Variants in SLC6A16 observed in about 807,000 individuals in gnomAD.
SLC6A16 encodes the protein solute carrier family 6 member 16.
Under a neutral mutation model 65.4 loss-of-function variants are expected in SLC6A16, and 54 were observed. That is an observed-to-expected ratio of 0.83 (90% CI 0.66 to 1.04). SLC6A16 has a LOEUF of 1.04. Ranked by LOEUF, SLC6A16 falls within the 50% of genes least tolerant of loss-of-function variation. SLC6A16 has a pLI of 0.00. For missense variants in SLC6A16, 816 were observed against 914.0 expected (o/e 0.89, Z 1.38); for synonymous variants, 330 against 346.5 (o/e 0.95, Z 0.53).
At chr19:49,291,354 T>C (rs1009781785) in intron 10 of SLC6A16, among the ~76,000 whole-genome samples, 9 of 151,648 alleles carry the variant, frequency 5.9e-5, no homozygotes, top group Non-Finnish European at 5.9e-5. Flanking sequence ...CCCCGGAGTT[T>C]CCCTGGCTAC....
the SLC6A16 span, chr19:49,332,333 G>T: frequency 2.2e-6 from 1 of 453,796 alleles, no homozygotes; most frequent in South Asian, 1.6e-5. Flanking sequence ...GAAGTGGGTG[G>T]ATCACGAGGT....
the SLC6A16 span, chr19:49,339,587 G>C: frequency 6.9e-7 from 1 of 1,451,416 alleles, no homozygotes; most frequent in Non-Finnish European, 9.0e-7. The surrounding 1 kb of genome is among the most constrained non-coding windows in gnomAD (Gnocchi z 4.5). Context: ...CAGCTTCAGG[G>C]AGCCCTGATT....
chr19:49,324,722 C>G (rs1167134727), intron 1 of SLC6A16, among the ~76,000 whole-genome samples: 1 of 152,226 alleles, frequency 6.6e-6, no homozygotes, highest in East Asian at 1.9e-4. Context: ...GGGCTAGACC[C>G]GGGTTTCTGC....
the SLC6A16 span, chr19:49,335,874 C>A: frequency 9.1e-7 from 1 of 1,096,304 alleles, no homozygotes; most frequent in South Asian, 1.2e-5. The surrounding 1 kb of genome is among the most constrained non-coding windows in gnomAD (Gnocchi z 4.6). Flanking sequence ...CCTACGGTGC[C>A]CTACTCTGCA....
chr19:49,314,053 G>A (rs1970574232), intron 1 of SLC6A16, among the ~76,000 whole-genome samples: 1 of 150,870 alleles, frequency 6.6e-6, no homozygotes, highest in Admixed American at 6.6e-5. Context: ...CTGAGATCAC[G>A]CCACTACACT....
At chr19:49,336,987 T>C in the SLC6A16 span, 3 of 1,613,850 alleles carry the variant, frequency 1.9e-6, no homozygotes, top group African/African-American at 1.3e-5. Context: ...ATCGCCCTCC[T>C]GGGTTGTGTG....
In SLC6A16 at chr19:49,309,159, A is replaced by C. The variant is rs983709788; in HGVS notation, c.988-42T>G. On this transcript the variant is annotated intron_variant, in intron 6 of 11. Transcript: ENST00000335875. Reference sequence around the variant, plus strand: ...AAGCATAAGGGGGTTGTAAAAGAAGAAGCAGAGGACAACTATAATAGAAAT... The same window carrying C: ...AAGCATAAGGGGGTTGTAAAAGAAGCAGCAGAGGACAACTATAATAGAAAT... 21 of 1,608,368 alleles carry C rather than the reference A, an allele frequency of 1.3e-5. 1 individual carries two copies. In the African/African-American group the frequency reaches 2.8e-4, roughly 22 times the overall value.
the SLC6A16 span, chr19:49,335,686 C>T: frequency 2.5e-6 from 4 of 1,612,608 alleles, no homozygotes; most frequent in African/African-American, 1.3e-5. This position sits in a 1 kb window ranked among gnomAD's most constrained non-coding sequence, Gnocchi z 4.6. Flanking sequence ...CTGTGGCCCA[C>T]CCCCGTATCC....
intron 7 of SLC6A16, among the ~76,000 whole-genome samples, chr19:49,302,583 T>C (rs1970310621): frequency 6.6e-6 from 1 of 152,192 alleles, no homozygotes; most frequent in South Asian, 2.1e-4. Context: ...TCATGAAGAA[T>C]TGGAGAATCA....
chr19:49,295,583 ATCT>A (rs1970170370), intron 7 of SLC6A16, among the ~76,000 whole-genome samples: 1 of 152,212 alleles, frequency 6.6e-6, no homozygotes, highest in African/African-American at 2.4e-5. Context: ...ATATTTTTAA[ATCT>A]TCTAACAAAA....
chr19:49,301,977 G>A (rs1970299600), intron 7 of SLC6A16, among the ~76,000 whole-genome samples: 2 of 152,146 alleles, frequency 1.3e-5, no homozygotes, highest in Non-Finnish European at 2.9e-5. Context: ...TAGGCCCCGC[G>A]GCTGCATGTG....
intron 1 of SLC6A16, among the ~76,000 whole-genome samples, chr19:49,321,007 C>G (rs1048201214): frequency 2.6e-5 from 4 of 152,114 alleles, no homozygotes; most frequent in Admixed American, 6.6e-5. Flanking sequence ...CCTCATTCAT[C>G]CTATAAGGCC....
chr19:49,294,250 G>A lies in SLC6A16; in HGVS notation c.1416+117C>T, dbSNP rs80068154. On this transcript the variant is annotated intron_variant, in intron 8 of 11. Transcript: ENST00000335875. ...AGTATAGTACTTTGTATTACTGAGAGCCACAGATGATTCTGGTGCTTCCGG... is the reference window on the plus strand; with the variant it reads ...AGTATAGTACTTTGTATTACTGAGAACCACAGATGATTCTGGTGCTTCCGG... 4,976 of 1,042,698 alleles carry A rather than the reference G, an allele frequency of 4.8e-3. 161 individuals carry two copies. The African/African-American group carries it at 0.07, about 15-fold the overall frequency. 64.6% of individuals were successfully genotyped at this position (1,042,698 alleles called of 1,614,324 possible). A position where few individuals can be genotyped will look rare whatever the true frequency, so the allele number is the denominator to read the frequency against.
chr19:49,310,654 C>T (rs188076589), intron 2 of SLC6A16, 144 bp from the exon 3 acceptor site: 10 of 904,288 alleles, frequency 1.1e-5, no homozygotes, highest in African/African-American at 3.3e-5. Context: ...ACATCCCTCA[C>T]GGTCCCAAGT....
Position 49,299,820 on chromosome 19 carries a change from C to T in SLC6A16, c.1230-5267G>A, listed in dbSNP as rs567177237. ...GGTGGATCACCTGAGGTCAGGAGTT[C>T]AAGACCAGCCTGGCCAACATGGTGA... On this transcript the variant is annotated intron_variant, in intron 7 of 11. Transcript: ENST00000335875. Among the ~76,000 whole-genome samples the T allele has an allele frequency of 5.3e-5, 8 of 151,764 alleles. No individual in the cohort carries two copies. In the South Asian group the frequency reaches 1.7e-3, roughly 32 times the overall value.
At position 49,311,219 on chromosome 19, in the gene SLC6A16, T is replaced by G; in HGVS notation, c.129A>C (p.Thr43=). 1 of 1,614,192 alleles carries G rather than the reference T, an allele frequency of 6.2e-7. No individual in the cohort carries two copies. The highest frequency in any genetic ancestry group is 8.5e-7 in the Non-Finnish European group (1 of 1,180,028). The change falls in exon 2 of 12, where the codon ACA becomes ACC. Residue 43 remains threonine, a synonymous_variant. Transcript: ENST00000335875. The stretch of plus-strand genomic sequence containing the variant: ...AAACTTGGGCCTCTGAGGTCCAAGA[T>G]GTTGCAGACCGGGTCAATGAACCCT... ...EDKGSLTRSA[T]SWTSEAQVSA...
chr19:49,310,690 T>C (rs1448156295), intron 2 of SLC6A16, among the ~76,000 whole-genome samples, 180 bp from the exon 3 acceptor site: 4 of 152,140 alleles, frequency 2.6e-5, no homozygotes, highest in African/African-American at 9.7e-5. Context: ...CCCCAAATCC[T>C]GGAAGACCCA....
chr19:49,291,514 A>C (rs1970078268), intron 10 of SLC6A16, among the ~76,000 whole-genome samples: 1 of 152,168 alleles, frequency 6.6e-6, no homozygotes, highest in Non-Finnish European at 1.5e-5. Flanking sequence ...TCTCAAGAAA[A>C]TGTTTGTTGG....
chr19:49,338,624 C>T, the SLC6A16 span: 2 of 1,080,240 alleles, frequency 1.9e-6, no homozygotes, highest in South Asian at 2.6e-5. This position sits in a 1 kb window ranked among gnomAD's most constrained non-coding sequence, Gnocchi z 5.0. Flanking sequence ...TGACCTCATA[C>T]CCATCACCTT....
Sources: gnomAD v4.1 joint callset for allele counts (sites outside exome capture counted in the v4.1 genomes callset) on GRCh38, gnomAD v4.1.1 for gene constraint, Gnocchi (gnomAD v3.1) non-coding constraint, MANE v1.5 for transcripts, NCBI Gene and HGNC (gene_info 2026-07-23, HGNC 2026-07-21) for gene names.